The following COL12A1 variants were observed in gnomAD, a reference collection of about 807,000 sequenced individuals.
COL12A1 encodes the protein collagen type XII alpha 1 chain, also known as collagen alpha-1(XII) chain.
A neutral mutation model predicts 349.7 loss-of-function variants in COL12A1; 114 were observed. That is an observed-to-expected ratio of 0.33 (90% CI 0.28 to 0.38). COL12A1 has a LOEUF of 0.38. COL12A1 is among the 10% of genes least tolerant of loss of function. The pLI, the probability that COL12A1 is intolerant of heterozygous loss-of-function variation, is 1.00. For synonymous variants in COL12A1, 1,369 were observed against 1,329.0 expected (o/e 1.03, Z -0.66); for missense variants, 3,284 against 3,756.9 (o/e 0.87, Z 3.29).
intron 51 of COL12A1, among the ~76,000 whole-genome samples, chr6:75,111,564 T>C (rs528817275): frequency 6.6e-6 from 1 of 151,942 alleles, no homozygotes; most frequent in East Asian, 1.9e-4. Context: ...ATATCTTCAG[T>C]GGTTATGAAA....
At chr6:75,180,174 A>G (rs938699821) in intron 11 of COL12A1, among the ~76,000 whole-genome samples, 17 of 152,242 alleles carry the variant, frequency 1.1e-4, no homozygotes, top group African/African-American at 4.1e-4. Context: ...TTATTCAACC[A>G]TAAGTAGAGA....
rs201542066 is a variant in COL12A1, at chr6:75,154,473, C to T, written c.3508G>A (p.Val1170Ile). The T allele has an allele frequency of 5.8e-5, 93 of 1,612,552 alleles. No individual in the cohort carries two copies. Among genetic ancestry groups the T allele is most frequent in the Middle Eastern group, 1.6e-4 (1 of 6,076 alleles). ...MFDGGESSPL[V>I]GQEMTTLSDT... ...GAAAGGGTTGTCATTTCTTGTCCAA[C>T]AAGTGGTGAGCTTTCTCCTCCATCA... The change falls in exon 17 of 66, where the codon GTT becomes ATT. Residue 1170 changes from valine to isoleucine, a missense_variant. By Grantham distance (29) the Val-to-Ile change is conservative. Around this residue, in one of 2 missense-constraint regions of COL12A1, gnomAD observed 2,601 missense variants for 2,824.8 expected, o/e 0.92. Coordinates refer to ENST00000322507, the MANE Select transcript of COL12A1 (RefSeq NM_004370.6).
In COL12A1 at chr6:75,183,492, T is replaced by C. The variant is rs533536940; in HGVS notation, c.1449A>G (p.Gln483=). Residue 483 remains glutamine (Q), a synonymous_variant, in exon 10 of 66, where the codon CAA becomes CAG. Transcript: ENST00000322507. The stretch of plus-strand genomic sequence containing the variant: ...ACTCAGTATGAGGATCCCGGCTGTA[T>C]TGCACAAGACTAATCTGGACCCTAT... ...SPNRVQISLV[Q]YSRDPHTEFT... 2.5e-6 allele frequency: 4 copies of C among 1,614,196 alleles called. No individual in the cohort carries two copies. The East Asian group carries it at 6.7e-5, about 27-fold the overall frequency.
intron 3 of COL12A1, among the ~76,000 whole-genome samples, chr6:75,193,340 GA>G (rs1375200397): frequency 6.6e-6 from 1 of 152,058 alleles, no homozygotes; most frequent in Admixed American, 6.6e-5. Context: ...GATTGAAAGA[GA>G]AAAAAGTAAA....
intron 14 of COL12A1, among the ~76,000 whole-genome samples, chr6:75,156,860 T>C (rs1035692910): frequency 1.3e-5 from 2 of 152,180 alleles, no homozygotes; most frequent in Non-Finnish European, 2.9e-5. Context: ...TGTAAAGAAT[T>C]TATCCAGTAA....
chr6:75,130,261 G>A (rs545048751), intron 36 of COL12A1, 28 bp from the exon 37 acceptor site: 1 of 1,607,422 alleles, frequency 6.2e-7, no homozygotes, highest in Admixed American at 1.7e-5. Context: ...AATAGAGTTT[G>A]TTGCCTGCCT....
Position 75,121,379 on chromosome 6 carries a change from C to T in COL12A1, c.7009G>A (p.Asp2337Asn), listed in dbSNP as rs772161963. The T allele has an allele frequency of 2.5e-5, 40 of 1,611,966 alleles. No individual in the cohort carries two copies. The highest frequency in any genetic ancestry group is 6.7e-5 in the Admixed American group (4 of 59,974). ...AATTTTACAACTTTGTTAAAATTATCGTCCCCAATGCTCCAGGAGGCATCA... is the reference window on the plus strand; with the variant it reads ...AATTTTACAACTTTGTTAAAATTATTGTCCCCAATGCTCCAGGAGGCATCA... ...LTDASWSIGD[D>N]NFNKVVKFIF... is the part of the protein sequence containing the mutation. Residue 2337 changes from aspartate to asparagine, a missense_variant, in exon 44 of 66, where the codon GAT becomes AAT. Physicochemically the swap from Asp to Asn is conservative, Grantham distance 23. Coordinates refer to ENST00000322507, the MANE Select transcript of COL12A1 (RefSeq NM_004370.6).
At chr6:75,178,368 AC>A (rs1436564326) in intron 11 of COL12A1, among the ~76,000 whole-genome samples, 9 of 152,132 alleles carry the variant, frequency 5.9e-5, no homozygotes, top group Non-Finnish European at 1.0e-4. Context: ...TACCATATCA[AC>A]CCACCCAACC....
Position 75,183,576 on chromosome 6 carries a change from G to C in COL12A1, c.1365C>G (p.Asn455Lys). ...VDGSYSIGIA[N>K]FVKVRAFLEV... Reference sequence around the variant, plus strand: ...CCAAAAAGGCTCTAACTTTAACAAAGTTTGCAATCCCAATGCTATAGGAGC... The same window carrying C: ...CCAAAAAGGCTCTAACTTTAACAAACTTTGCAATCCCAATGCTATAGGAGC... The change falls in exon 10 of 66, where the codon AAC (asparagine) becomes AAG (lysine). Residue 455 changes from asparagine (N) to lysine (K), a missense_variant. Physicochemically the swap from Asn to Lys is moderately conservative, Grantham distance 94. Coordinates refer to ENST00000322507, the MANE Select transcript of COL12A1 (RefSeq NM_004370.6). 1 of 1,614,044 alleles carries C rather than the reference G, an allele frequency of 6.2e-7. No homozygotes were observed. The highest frequency in any genetic ancestry group is 8.5e-7 in the Non-Finnish European group (1 of 1,180,002).
intron 51 of COL12A1, among the ~76,000 whole-genome samples, chr6:75,109,746 T>A (rs1768737456): frequency 6.6e-6 from 1 of 152,116 alleles, no homozygotes; most frequent in South Asian, 2.1e-4. Context: ...TTTATATTGA[T>A]TTATTTTTCG....
chr6:75,183,009 T>C, intron 10 of COL12A1, 41 bp downstream of exon 10: 1 of 1,534,674 alleles, frequency 6.5e-7, no homozygotes, highest in Non-Finnish European at 8.7e-7. Flanking sequence ...AAAAATTCTT[T>C]GTTCATGAAG....
chr6:75,144,316 C>T (rs944509544), intron 25 of COL12A1, among the ~76,000 whole-genome samples: 1 of 152,178 alleles, frequency 6.6e-6, no homozygotes, highest in African/African-American at 2.4e-5. Flanking sequence ...CACAAAACCA[C>T]CAGCCCCAGA....
intron 31 of COL12A1, among the ~76,000 whole-genome samples, chr6:75,135,616 A>G (rs937127229): frequency 6.6e-5 from 10 of 152,216 alleles, no homozygotes; most frequent in African/African-American, 2.4e-4. Context: ...AAAATGGCAC[A>G]CTGCCCAAAA....
intron 49 of COL12A1, among the ~76,000 whole-genome samples, chr6:75,115,300 C>T (rs1769022800): frequency 6.6e-6 from 1 of 152,096 alleles, no homozygotes; most frequent in Non-Finnish European, 1.5e-5. Context: ...AGTAAAATAA[C>T]ATCTACAGCT....
At chr6:75,164,745 A>G (rs1252979717) in intron 14 of COL12A1, among the ~76,000 whole-genome samples, 1 of 152,126 alleles carries the variant, frequency 6.6e-6, no homozygotes, top group Non-Finnish European at 1.5e-5. Flanking sequence ...CATGATTATC[A>G]CTTAAACAAA....
chr6:75,098,428 A>G (rs1768151980), intron 58 of COL12A1, among the ~76,000 whole-genome samples: 1 of 152,184 alleles, frequency 6.6e-6, no homozygotes, highest in Non-Finnish European at 1.5e-5. Context: ...CCAAGGCAGG[A>G]GGATTGCTTA....
chr6:75,155,365 T>C (rs1016634608), intron 16 of COL12A1, among the ~76,000 whole-genome samples: 17 of 152,148 alleles, frequency 1.1e-4, no homozygotes, highest in African/African-American at 4.1e-4. Context: ...GAACATTAAT[T>C]TCTTAAAAGC....
At chr6:75,187,908 C>A in intron 8 of COL12A1, among the ~76,000 whole-genome samples, 1 of 152,008 alleles carries the variant, frequency 6.6e-6, no homozygotes, top group Non-Finnish European at 1.5e-5. Flanking sequence ...TAAAAGCTTT[C>A]AAAACATTAC....
chr6:75,096,163 TATGTC>T (rs1293080181), intron 59 of COL12A1, among the ~76,000 whole-genome samples: 2 of 152,206 alleles, frequency 1.3e-5, no homozygotes, highest in Non-Finnish European at 2.9e-5. Context: ...TACTGGCCAA[TATGTC>T]ATGTTCTAAA....
Sources: allele counts gnomAD v4.1 joint callset (sites outside exome capture counted in the v4.1 genomes callset), GRCh38; gene constraint gnomAD v4.1.1; regional missense constraint gnomAD v4.1.1; transcripts MANE v1.5; gene names NCBI Gene and HGNC (gene_info 2026-07-23, HGNC 2026-07-21).